Variants in HIP1 observed in about 807,000 individuals in gnomAD.
HIP1 encodes huntingtin-interacting protein 1.
HIP1 carries 65 observed loss-of-function variants against 147.6 expected under a neutral mutation model. The observed-to-expected ratio is 0.44, with a 90% CI of 0.36 to 0.54. The LOEUF (loss-of-function observed/expected upper bound fraction) is 0.54. Ranked by LOEUF, HIP1 falls within the 20% of genes least tolerant of loss-of-function variation. HIP1 has a pLI of 0.00. For synonymous variants in HIP1, 479 were observed against 504.0 expected (o/e 0.95, Z 0.67); for missense variants, 1,061 against 1,299.6 (o/e 0.82, Z 2.82).
Position 75,557,677 on chromosome 7 carries a change from T to G in HIP1, c.1558A>C (p.Ile520Leu), listed in dbSNP as rs782411687. 3 of 1,613,882 alleles carry G rather than the reference T, an allele frequency of 1.9e-6. No homozygotes were observed. The highest frequency in any genetic ancestry group is 1.7e-5 in the Admixed American group (1 of 59,976). The change falls in exon 16 of 31, where the codon ATC becomes CTC. Residue 520 changes from isoleucine to leucine, a missense_variant. Ile to Leu is a conservative substitution (Grantham distance 5). Coordinates refer to ENST00000336926, the MANE Select transcript of HIP1 (RefSeq NM_005338.7). ...KKELEDSLERISDQGQRKTQE... is the reference protein window; with the variant it reads ...KKELEDSLERLSDQGQRKTQE... ...ACCTTCCGCTGGCCCTGGTCACTGA[T>G]GCGCTCCAACGAATCCTCCAGCTCT...
chr7:75,718,770 A>G (rs184835747), intron 1 of HIP1, among the ~76,000 whole-genome samples: 4 of 152,150 alleles, frequency 2.6e-5, no homozygotes, highest in Admixed American at 2.6e-4. Context: ...CCAAGCACGC[A>G]GTTCTCCCAA....
At chr7:75,648,290 C>T (rs532917328) in intron 1 of HIP1, among the ~76,000 whole-genome samples, 7 of 150,956 alleles carry the variant, frequency 4.6e-5, no homozygotes, top group African/African-American at 9.8e-5. Flanking sequence ...AGCTGGGGCT[C>T]GTCGGAGTAG....
intron 1 of HIP1, among the ~76,000 whole-genome samples, chr7:75,622,853 C>T (rs1584892326): frequency 3.4e-5 from 1 of 29,608 alleles, no homozygotes; most frequent in Admixed American, 3.2e-4. Context: ...AAATAATTAT[C>T]TATCTATCTA....
chr7:75,586,127 AT>A (rs1796265411), intron 5 of HIP1, among the ~76,000 whole-genome samples: 1 of 151,924 alleles, frequency 6.6e-6, no homozygotes, highest in South Asian at 2.1e-4. Context: ...AATTGTTTTT[AT>A]TAACAGTAAA....
chr7:75,734,021 G>A (rs1316376409), intron 1 of HIP1, among the ~76,000 whole-genome samples: 10 of 151,930 alleles, frequency 6.6e-5, no homozygotes, highest in African/African-American at 1.2e-4. Flanking sequence ...TGAGGCAGGC[G>A]GCTCACCTGA....
intron 7 of HIP1, among the ~76,000 whole-genome samples, chr7:75,580,943 T>C (rs587658981): frequency 1.7e-4 from 26 of 152,230 alleles, no homozygotes; most frequent in African/African-American, 6.3e-4. Context: ...GGTTTCACCA[T>C]GTTGGCCAGG....
In HIP1 at chr7:75,659,294, G is replaced by A. The variant is rs183828549; in HGVS notation, c.121-60047C>T. On this transcript the variant is annotated intron_variant, in intron 1 of 30. Coordinates refer to ENST00000336926, the MANE Select transcript of HIP1 (RefSeq NM_005338.7). ...TCCTTCCCAGCTCAGTAAGGGGAGG[G>A]AATGCCCATTGCCAGACATGCATCC... is the stretch of plus-strand genomic sequence containing the variant. Among the ~76,000 whole-genome samples the A allele has an allele frequency of 2.7e-4, 41 of 152,278 alleles. No homozygotes were observed. In the East Asian group the frequency reaches 6.9e-3, roughly 26 times the overall value.
chr7:75,671,097 G>A lies in HIP1; in HGVS notation c.120+67704C>T, dbSNP rs146450433. 3.9e-3 allele frequency among the ~76,000 whole-genome samples: 594 copies of A among 151,986 alleles called. 7 individuals carry two copies. Among genetic ancestry groups the A allele is most frequent in the African/African-American group, 0.014 (573 of 41,474 alleles). On this transcript the variant is annotated intron_variant, in intron 1 of 30. Coordinates refer to ENST00000336926, the MANE Select transcript of HIP1 (RefSeq NM_005338.7). Reference sequence around the variant, plus strand: ...TGTCAGAATTTCCTTCCTTTTTATTGTTTATGTTATTTTTAGATGGAGTTT... The same window carrying A: ...TGTCAGAATTTCCTTCCTTTTTATTATTTATGTTATTTTTAGATGGAGTTT...
At chr7:75,541,635 G>A (rs1794320670) in intron 29 of HIP1, among the ~76,000 whole-genome samples, 1 of 151,864 alleles carries the variant, frequency 6.6e-6, no homozygotes, top group South Asian at 2.1e-4. Context: ...GGTGGAGAGT[G>A]CGGTGAGCCA....
intron 1 of HIP1, among the ~76,000 whole-genome samples, chr7:75,726,852 T>G (rs1213702857): frequency 6.6e-6 from 1 of 151,708 alleles, no homozygotes; most frequent in Admixed American, 6.6e-5. Context: ...AATTTTCATA[T>G]TTTTAGTAGA....
intron 1 of HIP1, among the ~76,000 whole-genome samples, chr7:75,714,452 T>A (rs1018907320): frequency 8.4e-6 from 1 of 118,834 alleles, no homozygotes; most frequent in African/African-American, 3.6e-5. Flanking sequence ...AACATCTTTT[T>A]TTCTTTTTTT....
In HIP1 at chr7:75,592,499, G is replaced by A; in HGVS notation, c.200C>T (p.Thr67Ile). 1 of 1,611,224 alleles carries A rather than the reference G, an allele frequency of 6.2e-7. No individual in the cohort carries two copies. ...EKHARTCILG[T>I]HHEKGAQTFW... ...GGTCTGTGCCCCTTTCTCATGGTGG[G>A]TGCCCAGTATGCACGGTGAGGGGGG... The change falls in exon 3 of 31, where the codon ACC becomes ATC. Residue 67 changes from threonine (T) to isoleucine (I), a missense_variant. Coordinates refer to ENST00000336926, the MANE Select transcript of HIP1 (RefSeq NM_005338.7).
chr7:75,723,951 G>T (rs12672510), intron 1 of HIP1, among the ~76,000 whole-genome samples: 64,991 of 118,936 alleles, frequency 0.55, 14,556 homozygotes, highest in African/African-American at 0.58. Context: ...TATATATATA[G>T]AGAGAGAGAG....
At chr7:75,636,439 A>T (rs1473060833) in intron 1 of HIP1, among the ~76,000 whole-genome samples, 1 of 152,244 alleles carries the variant, frequency 6.6e-6, no homozygotes, top group Non-Finnish European at 1.5e-5. Context: ...TCCAAGGCTG[A>T]CATTGGACTC....
At chr7:75,577,207 C>T (rs911807849) in intron 7 of HIP1, among the ~76,000 whole-genome samples, 8 of 151,286 alleles carry the variant, frequency 5.3e-5, no homozygotes, top group Non-Finnish European at 1.2e-4. Flanking sequence ...GGCACACATC[C>T]CTGGTCCCAG....
At chr7:75,732,565 G>A (rs184713026) in intron 1 of HIP1, among the ~76,000 whole-genome samples, 215 of 152,074 alleles carry the variant, frequency 1.4e-3, no homozygotes, top group African/African-American at 4.9e-3. Flanking sequence ...TTTTTTTGTA[G>A]AGACAGGGTC....
chr7:75,611,798 C>T, intron 1 of HIP1: 3 of 1,035,196 alleles, frequency 2.9e-6, no homozygotes, highest in Non-Finnish European at 3.5e-6. Flanking sequence ...CACTTCCTGA[C>T]CCAGCAGGCC....
intron 1 of HIP1, among the ~76,000 whole-genome samples, chr7:75,651,748 A>T (rs1171786956): frequency 6.6e-6 from 1 of 152,184 alleles, no homozygotes; most frequent in South Asian, 2.1e-4. Context: ...AACAAGGCTA[A>T]TCATAGCTAC....
chr7:75,601,670 C>T (rs1044012050), intron 1 of HIP1, among the ~76,000 whole-genome samples: 8 of 151,886 alleles, frequency 5.3e-5, no homozygotes, highest in African/African-American at 1.7e-4. Flanking sequence ...TTAGAATTCA[C>T]CCACTCTCAT....
Sources: gnomAD v4.1 joint callset for allele counts (sites outside exome capture counted in the v4.1 genomes callset) on GRCh38, gnomAD v4.1.1 for gene constraint, MANE v1.5 for transcripts, NCBI Gene and HGNC (gene_info 2026-07-23, HGNC 2026-07-21) for gene names.